The following SNX29 variants were observed in gnomAD, a reference collection of about 807,000 sequenced individuals.
The protein encoded by SNX29 is sorting nexin-29.
In SNX29, 78 loss-of-function variants were observed where a neutral mutation model predicts 102.1. That is an observed-to-expected ratio of 0.76 (90% CI 0.64 to 0.92). SNX29 has a LOEUF of 0.92. Among genes scored for constraint, SNX29 ranks in the 40% least tolerant of loss-of-function variants. The pLI is 0.00. For synonymous variants in SNX29, 580 were observed against 414.5 expected, an observed-to-expected ratio of 1.40 and a Z score of -4.85; for missense variants, 1,280 against 1,061.7, an observed-to-expected ratio of 1.21 and a Z score of -2.86.
intron 14 of SNX29, among the ~76,000 whole-genome samples, chr16:12,267,193 T>C (rs538232149): frequency 4.4e-4 from 67 of 152,286 alleles, no homozygotes; most frequent in Admixed American, 9.2e-4. Flanking sequence ...GGTTAAAATT[T>C]ATAGTTTTCT....
At chr16:12,294,514 A>G (rs1225917671) in intron 15 of SNX29, among the ~76,000 whole-genome samples, 2 of 152,124 alleles carry the variant, frequency 1.3e-5, no homozygotes, top group Non-Finnish European at 2.9e-5. Flanking sequence ...TGGGAAGTCC[A>G]TAGGCACCCG....
At position 12,098,534 on chromosome 16, in the gene SNX29, C is replaced by A. The variant is rs1464593136; in HGVS notation, c.1402+19619C>A. On this transcript the variant is annotated intron_variant, in intron 11 of 20. Transcript: ENST00000566228. This position sits in a 1 kb window ranked among gnomAD's most constrained non-coding sequence, Gnocchi z 6.0. Reference sequence around the variant, plus strand: ...CCAGCTGCTTCCAGGTGTCTGTACACACCGTCGGTTTCATGTGCGCAGACG... The same window carrying A: ...CCAGCTGCTTCCAGGTGTCTGTACAAACCGTCGGTTTCATGTGCGCAGACG... 1.3e-5 allele frequency among the ~76,000 whole-genome samples: 2 copies of A among 152,234 alleles called. No individual in the cohort carries two copies. Among genetic ancestry groups the A allele is most frequent in the African/African-American group, 4.8e-5 (2 of 41,456 alleles).
At chr16:12,006,034 G>A (rs1030779524) in intron 3 of SNX29, among the ~76,000 whole-genome samples, 8 of 151,974 alleles carry the variant, frequency 5.3e-5, no homozygotes, top group African/African-American at 1.4e-4. Context: ...AAAGGAGTAC[G>A]TGGCTTACTA....
intron 18 of SNX29, among the ~76,000 whole-genome samples, chr16:12,423,092 A>G (rs946234788): frequency 9.2e-5 from 14 of 152,138 alleles, no homozygotes; most frequent in Admixed American, 6.5e-5. Context: ...GGTGAATACG[A>G]GGTGATACCA....
At chr16:11,991,982 A>G (rs1266918850) in intron 1 of SNX29, among the ~76,000 whole-genome samples, 1 of 151,984 alleles carries the variant, frequency 6.6e-6, no homozygotes, top group African/African-American at 2.4e-5. Flanking sequence ...GCCAACATCT[A>G]CCTGTTGCAG....
chr16:12,279,772 C>T (rs1284991470), intron 15 of SNX29, among the ~76,000 whole-genome samples: 2 of 152,158 alleles, frequency 1.3e-5, no homozygotes, highest in East Asian at 1.9e-4. Flanking sequence ...TTAAGTTCTC[C>T]TGGGATGGGG....
intron 15 of SNX29, among the ~76,000 whole-genome samples, chr16:12,279,205 G>T (rs575224667): frequency 1.3e-5 from 2 of 152,266 alleles, no homozygotes; most frequent in Admixed American, 6.5e-5. Context: ...TAATCAAGAA[G>T]ACACTCGCTC....
intron 18 of SNX29, among the ~76,000 whole-genome samples, chr16:12,469,159 A>T (rs74418016): frequency 6.6e-6 from 1 of 152,210 alleles, no homozygotes; most frequent in African/African-American, 2.4e-5. Flanking sequence ...ATTCTTAGTA[A>T]ATAATGCATT....
chr16:12,310,880 AC>A (rs1207259312), intron 15 of SNX29, among the ~76,000 whole-genome samples: 1 of 152,160 alleles, frequency 6.6e-6, no homozygotes, highest in Non-Finnish European at 1.5e-5. Flanking sequence ...GCAGGAAAAA[AC>A]GTCTCAAAAT....
At chr16:12,567,942 G>A (rs927524921) in intron 20 of SNX29, among the ~76,000 whole-genome samples, 5 of 152,156 alleles carry the variant, frequency 3.3e-5, no homozygotes, top group Non-Finnish European at 7.3e-5. Context: ...CGTTGCTTCA[G>A]AACCAGGATC....
intron 15 of SNX29, among the ~76,000 whole-genome samples, chr16:12,339,706 G>A (rs754037674): frequency 6.6e-6 from 1 of 152,228 alleles, no homozygotes; most frequent in Non-Finnish European, 1.5e-5. Context: ...GCAGCTCCAA[G>A]CTTATGTCCT....
intron 15 of SNX29, among the ~76,000 whole-genome samples, chr16:12,310,473 C>T (rs967835452): frequency 2.0e-5 from 3 of 150,986 alleles, no homozygotes; most frequent in East Asian, 1.9e-4. Flanking sequence ...ACCATTGGCA[C>T]GCGTAACAGC....
chr16:12,029,305 C>T (rs143993787), intron 4 of SNX29, among the ~76,000 whole-genome samples: 1,587 of 152,162 alleles, frequency 0.01, 25 homozygotes, highest in African/African-American at 0.036. Context: ...TTATTCATTG[C>T]GTGCAGTACT....
intron 9 of SNX29, among the ~76,000 whole-genome samples, chr16:12,067,767 C>T (rs1330498036): frequency 2.6e-5 from 4 of 152,176 alleles, no homozygotes; most frequent in Admixed American, 6.5e-5. Context: ...GGATTACAGG[C>T]GTGAGCCACC....
intron 14 of SNX29, among the ~76,000 whole-genome samples, chr16:12,222,718 G>A (rs2077509886): frequency 6.6e-6 from 1 of 152,096 alleles, no homozygotes; most frequent in South Asian, 2.1e-4. Flanking sequence ...ACAGGCACCC[G>A]CCACCATGCC....
intron 11 of SNX29, chr16:12,086,600 G>A (rs898749438): frequency 1.3e-5 from 2 of 152,206 alleles, no homozygotes; most frequent in Admixed American, 1.3e-4. Context: ...ATTTTGTAGA[G>A]ATGGGAGTCT....
At chr16:12,013,500 AATATATATATATAT>A (rs66491414) in intron 3 of SNX29, among the ~76,000 whole-genome samples, 683 of 31,638 alleles carry the variant, frequency 0.022, 77 homozygotes, top group African/African-American at 0.063. Flanking sequence ...AAAAAAAAAA[AATATATATATATAT>A]ATATATATAT....
intron 3 of SNX29, among the ~76,000 whole-genome samples, chr16:12,016,053 C>G (rs1161618739): frequency 6.6e-6 from 1 of 150,986 alleles, no homozygotes; most frequent in Non-Finnish European, 1.5e-5. Context: ...TTATTAGAGA[C>G]GGGATTTCAC....
At chr16:12,024,661 C>G (rs369837491) in intron 3 of SNX29, among the ~76,000 whole-genome samples, 99 of 152,284 alleles carry the variant, frequency 6.5e-4, no homozygotes, top group African/African-American at 2.2e-3. Context: ...TAACCCAAAC[C>G]TTGGGGACTG....
Sources: gnomAD v4.1 joint callset for allele counts (sites outside exome capture counted in the v4.1 genomes callset) on GRCh38, gnomAD v4.1.1 for gene constraint, Gnocchi (gnomAD v3.1) non-coding constraint, MANE v1.5 for transcripts, NCBI Gene and HGNC (gene_info 2026-07-23, HGNC 2026-07-21) for gene names.